HEPH: variants seen among roughly 807,000 people sequenced by gnomAD.
HEPH encodes the protein hephaestin.
Under a neutral mutation model 80.8 loss-of-function variants are expected in HEPH, and 69 were observed. The ratio of observed to expected loss-of-function variants is 0.85; its 90% CI spans 0.70 to 1.04. HEPH has a LOEUF of 1.04. Ranked by LOEUF, HEPH falls within the 50% of genes least tolerant of loss-of-function variation. The pLI is 0.00. For synonymous variants in HEPH, 431 were observed against 322.8 expected, an observed-to-expected ratio of 1.34 and a Z score of -3.60; for missense variants, 1,115 against 891.3, an observed-to-expected ratio of 1.25 and a Z score of -3.20.
intron 13 of HEPH, 42 bp downstream of exon 13, chrX:66,203,619 A>AT: frequency 3.6e-6 from 4 of 1,104,309 alleles, no homozygotes; most frequent in Non-Finnish European, 5.0e-6. Context: ...TTAGAAAAAC[A>AT]TTTTGCAAAT....
intron 15 of HEPH, among the ~76,000 whole-genome samples, chrX:66,233,339 G>C (rs1347616716): frequency 9.0e-6 from 1 of 111,425 alleles, no homozygotes; most frequent in Non-Finnish European, 1.9e-5. Flanking sequence ...CCTGTTTTGA[G>C]GCCCCAGAGA....
chrX:66,223,266 G>A (rs767161620), intron 15 of HEPH, among the ~76,000 whole-genome samples: 1 of 111,657 alleles, frequency 9.0e-6, no homozygotes, highest in Admixed American at 9.5e-5. Flanking sequence ...TTGACTTTTT[G>A]TTTTAAATGT....
chrX:66,191,090 G>T (rs191301975), intron 6 of HEPH, among the ~76,000 whole-genome samples: 2 of 111,586 alleles, frequency 1.8e-5, no homozygotes, highest in Non-Finnish European at 3.8e-5. Flanking sequence ...ATAGGGGGAT[G>T]ATATAAACAA....
At chrX:66,166,666 T>TA (rs1452371054) in intron 1 of HEPH, among the ~76,000 whole-genome samples, 2 of 112,210 alleles carry the variant, frequency 1.8e-5, no homozygotes, top group African/African-American at 6.5e-5. Flanking sequence ...AGGTGCCTAC[T>TA]AAGTCCCAGC....
At chrX:66,218,432 C>A (rs1233788564) in intron 15 of HEPH, among the ~76,000 whole-genome samples, 1 of 111,902 alleles carries the variant, frequency 8.9e-6, no homozygotes, top group African/African-American at 3.2e-5. Flanking sequence ...AAATAACCTG[C>A]TCTTGAATGA....
intron 15 of HEPH, among the ~76,000 whole-genome samples, chrX:66,246,273 A>G (rs2090802034): frequency 8.9e-6 from 1 of 111,944 alleles, no homozygotes; most frequent in South Asian, 3.8e-4. Context: ...CTGCCTGGCT[A>G]CCAGTGGCAG....
intron 1 of HEPH, among the ~76,000 whole-genome samples, 195 bp downstream of exon 1, chrX:66,164,665 G>A (rs1476916442): frequency 8.9e-6 from 1 of 111,911 alleles, no homozygotes; most frequent in Non-Finnish European, 1.9e-5. Flanking sequence ...CGCCAAAATA[G>A]CCAGGACTAC....
At position 66,198,915 on chromosome X, in the gene HEPH, T is replaced by C; in HGVS notation, c.1751T>C (p.Val584Ala). ...VDKEFFLLFT[V>A]LDENKSWYSN... ...AAAGAATTCTTTCTTCTCTTCACTG[T>C]GTTGGATGAGAACAAGAGCTGGTAC... Residue 584 changes from valine (V) to alanine (A), a missense_variant, in exon 11 of 21, where the codon GTG becomes GCG. Coordinates refer to ENST00000343002, the MANE Select transcript of HEPH (RefSeq NM_001367233.3). 8.3e-7 allele frequency: 1 copy of C among 1,200,591 alleles called. No homozygotes were observed. Among genetic ancestry groups the C allele is most frequent in the Non-Finnish European group, 1.1e-6 (1 of 885,192 alleles).
intron 12 of HEPH, 65 bp from the exon 13 acceptor site, chrX:66,203,299 G>T: frequency 1.0e-6 from 1 of 1,000,645 alleles, no homozygotes; most frequent in East Asian, 3.1e-5. Flanking sequence ...GGGAAAGGCA[G>T]GAAATCCCCC....
chrX:66,232,794 T>C (rs907881829), intron 15 of HEPH, among the ~76,000 whole-genome samples: 2 of 111,087 alleles, frequency 1.8e-5, no homozygotes, highest in African/African-American at 6.5e-5. Flanking sequence ...GCATATGGTA[T>C]ATTCTATCAG....
intron 19 of HEPH, among the ~76,000 whole-genome samples, chrX:66,262,215 A>T (rs140453202): frequency 1.3e-3 from 141 of 112,494 alleles, no homozygotes; most frequent in African/African-American, 4.4e-3. Flanking sequence ...TAATTTTTGG[A>T]ACAAGGTTTC....
intron 12 of HEPH, among the ~76,000 whole-genome samples, chrX:66,202,958 T>C (rs896758831): frequency 1.6e-4 from 15 of 96,233 alleles, no homozygotes; most frequent in Non-Finnish European, 2.9e-4. Flanking sequence ...CACACACACA[T>C]AATATATTTT....
At chrX:66,176,163 G>C (rs770161439) in intron 4 of HEPH, among the ~76,000 whole-genome samples, 1 of 111,709 alleles carries the variant, frequency 9.0e-6, no homozygotes, top group Non-Finnish European at 1.9e-5. Context: ...GTCATATATG[G>C]CTTTTATTAC....
Position 66,192,258 on chromosome X carries a change from C to A in HEPH, c.1192C>A (p.His398Asn). 8.3e-7 allele frequency: 1 copy of A among 1,210,665 alleles called. No individual in the cohort carries two copies. ...EIQWDYGPMGHDGSTGKNLRE... is the reference protein window; with the variant it reads ...EIQWDYGPMGNDGSTGKNLRE... ...TCAATGGGACTATGGCCCGATGGGGCATGATGGGAGTACTGGGAAGAATTT... is the reference window on the plus strand; with the variant it reads ...TCAATGGGACTATGGCCCGATGGGGAATGATGGGAGTACTGGGAAGAATTT... Residue 398 changes from histidine to asparagine, a missense_variant, in exon 7 of 21, where the codon CAT becomes AAT. Transcript: ENST00000343002.
intron 15 of HEPH, among the ~76,000 whole-genome samples, chrX:66,221,400 A>G (rs2089640645): frequency 8.9e-6 from 1 of 112,843 alleles, no homozygotes. Context: ...GTACTTGGTT[A>G]ATCTAGCATT....
Position 66,192,295 on chromosome X carries a change from G to A in HEPH, c.1229G>A (p.Gly410Asp). ...GSTGKNLREP[G>D]SISDKFFQKS... ...ACTGGGAAGAATTTGAGAGAGCCAGGCAGGTAAGAGGCAGTGGGATCCCTC... is the reference window on the plus strand; with the variant it reads ...ACTGGGAAGAATTTGAGAGAGCCAGACAGGTAAGAGGCAGTGGGATCCCTC... The change falls in exon 7 of 21, where the codon GGC becomes GAC. Residue 410 changes from glycine (G) to aspartate (D), a missense_variant. Around this residue, in one of 3 missense-constraint regions of HEPH, gnomAD observed 391 missense variants for 343.6 expected, o/e 1.14. Coordinates refer to ENST00000343002, the MANE Select transcript of HEPH (RefSeq NM_001367233.3). 1 of 1,204,275 alleles carries A rather than the reference G, an allele frequency of 8.3e-7. No individual in the cohort carries two copies. Among genetic ancestry groups the A allele is most frequent in the Non-Finnish European group, 1.1e-6 (1 of 889,772 alleles).
intron 15 of HEPH, among the ~76,000 whole-genome samples, chrX:66,238,149 A>G (rs2090433919): frequency 9.0e-6 from 1 of 111,273 alleles, no homozygotes; most frequent in African/African-American, 3.3e-5. Flanking sequence ...TGTGGATTTG[A>G]ATCTGTCATC....
At chrX:66,177,623 A>C (rs2086869865) in intron 4 of HEPH, among the ~76,000 whole-genome samples, 1 of 111,558 alleles carries the variant, frequency 9.0e-6, no homozygotes, top group African/African-American at 3.3e-5. Context: ...TTTCTTGGTT[A>C]ATCTTGCTAA....
At chrX:66,224,476 A>C (rs1334658219) in intron 15 of HEPH, among the ~76,000 whole-genome samples, 2 of 112,324 alleles carry the variant, frequency 1.8e-5, no homozygotes. Flanking sequence ...TCAGTGGTTA[A>C]TGTTAAATCA....
Sources: gnomAD v4.1 joint callset for allele counts (sites outside exome capture counted in the v4.1 genomes callset) on GRCh38, gnomAD v4.1.1 for gene constraint, gnomAD v4.1.1 regional missense constraint, MANE v1.5 for transcripts, NCBI Gene and HGNC (gene_info 2026-07-23, HGNC 2026-07-21) for gene names.